The following SETX variants were observed in gnomAD, a reference collection of about 807,000 sequenced individuals.
SETX encodes senataxin.
Under a neutral mutation model 227.2 loss-of-function variants are expected in SETX, and 90 were observed. That is an observed-to-expected ratio of 0.40 (90% confidence interval 0.33 to 0.47). The LOEUF is 0.47. SETX is among the 20% of genes least tolerant of loss of function. The pLI, the probability that SETX is intolerant of heterozygous loss-of-function variation, is 0.91. For missense variants in SETX, 3,052 were observed against 3,181.5 expected, an observed-to-expected ratio of 0.96 and a Z score of 0.98; for synonymous variants, 1,210 against 1,113.2, an observed-to-expected ratio of 1.09 and a Z score of -1.73.
intron 15 of SETX, among the ~76,000 whole-genome samples, chr9:132,290,903 T>C (rs1844256524): frequency 6.6e-6 from 1 of 152,138 alleles, no homozygotes; most frequent in African/African-American, 2.4e-5. Context: ...TATGCAATCA[T>C]GTAGAGTTTG....
chr9:132,264,440 G>A lies in SETX; in HGVS notation c.7833C>T (p.Ala2611=), dbSNP rs1193996389. 4.3e-6 allele frequency: 7 copies of A among 1,613,876 alleles called. No homozygotes were observed. The highest frequency in any genetic ancestry group is 2.2e-5 in the East Asian group (1 of 44,892). Residue 2611 remains alanine, a synonymous_variant, in exon 26 of 26, where the codon GCC becomes GCT. Transcript: ENST00000224140. The part of the protein sequence containing the change: ...KPPVRGEPPA[A]SPEASTCQSK... Reference sequence around the variant, plus strand: ...TCTGACACGTGGAAGCCTCGGGACTGGCAGCTGGAGGTTCGCCCCGCACGG... The same window carrying A: ...TCTGACACGTGGAAGCCTCGGGACTAGCAGCTGGAGGTTCGCCCCGCACGG...
At chr9:132,271,932 G>C (rs571023024) in intron 23 of SETX, 124 bp from the exon 24 acceptor site, 2 of 725,692 alleles carry the variant, frequency 2.8e-6, no homozygotes, top group African/African-American at 1.8e-5. Context: ...GCCCAGGCTG[G>C]AGTGCAGTGG....
chr9:132,356,506 C>A (rs1353712903), upstream of SETX, among the ~76,000 whole-genome samples: 1 of 152,088 alleles, frequency 6.6e-6, no homozygotes. Context: ...CCGGCCCCTA[C>A]CCCCTTTTAG....
chr9:132,271,689 G>C (rs1842910421), intron 24 of SETX, 21 bp downstream of exon 24: 1 of 1,580,140 alleles, frequency 6.3e-7, no homozygotes. Flanking sequence ...GTATAAAAGA[G>C]CAACAATGAC....
At chr9:132,353,386 A>G (rs74547957) in intron 2 of SETX, among the ~76,000 whole-genome samples, 1 of 152,208 alleles carries the variant, frequency 6.6e-6, no homozygotes, top group South Asian at 2.1e-4. Context: ...TAAAAAAAAA[A>G]GTAGAAAAGA....
Position 132,277,994 on chromosome 9 carries a change from C to T in SETX, c.6842+76G>A, listed in dbSNP as rs774794865. On this transcript the variant is annotated intron_variant, in intron 21 of 25. Coordinates refer to ENST00000224140, the MANE Select transcript of SETX (RefSeq NM_015046.7). ...ATGCTTTTTATGACAAGACCTAAGA[C>T]GACAGTAAAATGTCTATTCTTCATA... 4.0e-5 allele frequency: 55 copies of T among 1,387,636 alleles called. No homozygotes were observed. The African/African-American group carries it at 6.1e-4, about 15-fold the overall frequency. 86.0% of individuals were successfully genotyped at this position (1,387,636 alleles called of 1,614,324 possible).
intron 21 of SETX, among the ~76,000 whole-genome samples, chr9:132,277,728 G>T (rs1289717932): frequency 6.9e-6 from 1 of 144,810 alleles, no homozygotes; most frequent in African/African-American, 2.6e-5. Context: ...AAGCTGCAGT[G>T]AGCCAGGACT....
chr9:132,320,567 C>G (rs1231739048), intron 10 of SETX, among the ~76,000 whole-genome samples: 1 of 131,034 alleles, frequency 7.6e-6, no homozygotes, highest in Non-Finnish European at 1.6e-5. Context: ...GCACTCCAGC[C>G]TGAGCAACAG....
Position 132,291,159 on chromosome 9 carries a change from CTTT to C in SETX, c.6107-2511_6107-2509del, listed in dbSNP as rs139976052. Among the ~76,000 whole-genome samples the C allele has an allele frequency of 4.5e-3, 375 of 83,734 alleles. 1 individual carries two copies. The highest frequency in any genetic ancestry group is 0.012 in the African/African-American group (229 of 18,930). The allele number at this position is 83,734 out of a possible 152,430, so 54.9% of individuals were successfully genotyped here. A position where few individuals can be genotyped will look rare whatever the true frequency, so the allele number is the denominator to read the frequency against. Reference sequence around the variant, plus strand: ...AACATTTACTTGAGGGTTTGAAAACCTTTTTTTTTTTTTTTTTTTTTTTTTGAG... The same window carrying C: ...AACATTTACTTGAGGGTTTGAAAACCTTTTTTTTTTTTTTTTTTTTTTGAG... On this transcript the variant is annotated intron_variant, in intron 15 of 25. Coordinates refer to ENST00000224140, the MANE Select transcript of SETX (RefSeq NM_015046.7).
chr9:132,326,689 C>T lies in SETX; in HGVS notation c.4909G>A (p.Val1637Ile). 6.2e-7 allele frequency: 1 copy of T among 1,610,222 alleles called. No homozygotes were observed. Among genetic ancestry groups the T allele is most frequent in the Non-Finnish European group, 8.5e-7 (1 of 1,176,574 alleles). Reference sequence around the variant, plus strand: ...GCTATGAGGGGAACTGGCTGTGGTACTTTCAAAATCGACTGTATCCCCTTT... The same window carrying T: ...GCTATGAGGGGAACTGGCTGTGGTATTTTCAAAATCGACTGTATCCCCTTT... ...KSKGIQSILK[V>I]PQPVPLIAQK... The change falls in exon 10 of 26, where the codon GTA becomes ATA. Residue 1637 changes from valine to isoleucine, a missense_variant. Val to Ile is a conservative substitution (Grantham distance 29). Transcript: ENST00000224140.
chr9:132,329,958 T>G lies in SETX; in HGVS notation c.1640A>C (p.Tyr547Ser), dbSNP rs1275445928. The G allele has an allele frequency of 6.2e-7, 1 of 1,614,084 alleles. No individual in the cohort carries two copies. Among genetic ancestry groups the G allele is most frequent in the Non-Finnish European group, 8.5e-7 (1 of 1,180,018 alleles). The change falls in exon 10 of 26, where the codon TAT becomes TCT. Residue 547 changes from tyrosine (Y) to serine (S), a missense_variant. Around this residue, in one of 10 missense-constraint regions of SETX, gnomAD observed 179 missense variants for 197.1 expected, o/e 0.91. Coordinates refer to ENST00000224140, the MANE Select transcript of SETX (RefSeq NM_015046.7). ...QLIRSLLKEG[Y>S]QLGQQSLCKR... ...GCAAAGAGACTGCTGCCCAAGCTGA[T>G]AACCTTCTTTAAGGAGACTTCTAAT...
chr9:132,302,739 A>T (rs1489299304), intron 11 of SETX, among the ~76,000 whole-genome samples: 1 of 151,578 alleles, frequency 6.6e-6, no homozygotes, highest in African/African-American at 2.4e-5. Flanking sequence ...TTGATTCTAA[A>T]ACTGATGACA....
rs185808037 is a variant in SETX at position 132,352,567 on chromosome 9, A to G, written c.-8+1082T>C. 7.8e-4 allele frequency among the ~76,000 whole-genome samples: 119 copies of G among 152,334 alleles called. 1 individual carries two copies. Among genetic ancestry groups the G allele is most frequent in the African/African-American group, 2.9e-3 (119 of 41,576 alleles). ...AGAGATCAAGACCATCCTGGCCAAC[A>G]TGGTGAAACCCCGTATCTACTAAAA... On this transcript the variant is annotated intron_variant, in intron 2 of 25. Transcript: ENST00000224140.
At chr9:132,281,896 C>T (rs1165085653) in intron 19 of SETX, among the ~76,000 whole-genome samples, 2 of 151,798 alleles carry the variant, frequency 1.3e-5, no homozygotes, top group Non-Finnish European at 2.9e-5. Flanking sequence ...GTGGCAAGTG[C>T]CTGTAATCCC....
At chr9:132,285,099 A>T (rs1843770794) in intron 18 of SETX, among the ~76,000 whole-genome samples, 2 of 151,868 alleles carry the variant, frequency 1.3e-5, no homozygotes, top group African/African-American at 4.8e-5. Flanking sequence ...GGATGGTCTC[A>T]ATCTCCTGAC....
In SETX at chr9:132,298,092, T is replaced by C; in HGVS notation, c.5769A>G (p.Thr1923=). 1.2e-6 allele frequency: 2 copies of C among 1,612,474 alleles called. No homozygotes were observed. The highest frequency in any genetic ancestry group is 8.5e-7 in the Non-Finnish European group (1 of 1,178,516). The change falls in exon 13 of 26, where the codon ACA becomes ACG. Residue 1923 remains threonine (T), a synonymous_variant. Transcript: ENST00000224140. The stretch of plus-strand genomic sequence containing the variant: ...CATCATCACTCACAATTCTCTCAGA[T>C]GTTGTAGTCAGTAAATCTTTTGTAC... ...DFCTKDLLTT[T]SERIIAYLRD...
chr9:132,275,017 T>C, intron 23 of SETX: 1 of 522,910 alleles, frequency 1.9e-6, no homozygotes, highest in South Asian at 2.6e-5. Flanking sequence ...ACCTGGCAAG[T>C]TTCTTAGTCA....
chr9:132,322,599 C>A (rs1757165314), intron 10 of SETX, among the ~76,000 whole-genome samples: 1 of 152,108 alleles, frequency 6.6e-6, no homozygotes, highest in Admixed American at 6.6e-5. Flanking sequence ...ATGAACAGAC[C>A]TGTTTATCCA....
chr9:132,319,825 G>T (rs1403455374), intron 10 of SETX, among the ~76,000 whole-genome samples: 1 of 152,064 alleles, frequency 6.6e-6, no homozygotes, highest in Non-Finnish European at 1.5e-5. Flanking sequence ...TCTCCCTACT[G>T]GGCACTGAGA....
Sources: allele counts gnomAD v4.1 joint callset (sites outside exome capture counted in the v4.1 genomes callset), GRCh38; gene constraint gnomAD v4.1.1; regional missense constraint gnomAD v4.1.1; transcripts MANE v1.5; gene names NCBI Gene and HGNC (gene_info 2026-07-23, HGNC 2026-07-21).